The following ITGBL1 variants were observed in gnomAD, a reference collection of about 807,000 sequenced individuals.
ITGBL1 encodes integrin subunit beta like 1.
ITGBL1 carries 51 observed loss-of-function variants against 68.5 expected under a neutral mutation model. That is an observed-to-expected ratio of 0.74 (90% CI 0.59 to 0.94). The LOEUF is 0.94. ITGBL1 is among the 40% of genes least tolerant of loss of function. The pLI, the probability that ITGBL1 is intolerant of heterozygous loss-of-function variation, is 0.00. For synonymous variants in ITGBL1, 209 were observed against 227.3 expected (o/e 0.92, Z 0.72); for missense variants, 649 against 647.4 (o/e 1.00, Z -0.03).
intron 2 of ITGBL1, among the ~76,000 whole-genome samples, chr13:101,524,695 A>T (rs184831125): frequency 1.4e-5 from 2 of 148,100 alleles, no homozygotes; most frequent in African/African-American, 2.5e-5. Context: ...TACCAAAATT[A>T]AAAAATGACA....
Position 101,537,927 on chromosome 13 carries a change from A to G in ITGBL1, c.317-29772A>G, listed in dbSNP as rs117030870. Reference sequence around the variant, plus strand: ...AATTTCATGAAGAACTGTTAATCCTATGTCAAACTTTGGTTACATAGATTA... The same window carrying G: ...AATTTCATGAAGAACTGTTAATCCTGTGTCAAACTTTGGTTACATAGATTA... On this transcript the variant is annotated intron_variant, in intron 2 of 10. Transcript: ENST00000376180. Among the ~76,000 whole-genome samples the G allele has an allele frequency of 8.0e-3, 1,211 of 152,186 alleles. 7 individuals are homozygous for G. The highest frequency in any genetic ancestry group is 0.027 in the South Asian group (128 of 4,828).
At chr13:101,709,545 A>G (rs1354625396) in intron 9 of ITGBL1, among the ~76,000 whole-genome samples, 1 of 152,040 alleles carries the variant, frequency 6.6e-6, no homozygotes, top group African/African-American at 2.4e-5. Flanking sequence ...TTTTCCTCTG[A>G]GCATGGCTTC....
At chr13:101,677,411 A>C (rs1444107059) in intron 7 of ITGBL1, among the ~76,000 whole-genome samples, 38 of 152,184 alleles carry the variant, frequency 2.5e-4, no homozygotes, top group Admixed American at 2.5e-3. Flanking sequence ...CAGAAAATCC[A>C]AATAGTAGTA....
At chr13:101,692,980 G>T in intron 8 of ITGBL1, 1 of 273,076 alleles carries the variant, frequency 3.7e-6, no homozygotes, top group Non-Finnish European at 6.9e-6. Flanking sequence ...AAGGTTTTGG[G>T]GCAAGTCAGC....
chr13:101,591,820 T>A (rs1231065200), intron 6 of ITGBL1, among the ~76,000 whole-genome samples: 1 of 152,184 alleles, frequency 6.6e-6, no homozygotes, highest in Non-Finnish European at 1.5e-5. Context: ...ATTATAGAAA[T>A]CTACTTTGTT....
At chr13:101,693,319 G>A (rs773581344) in intron 8 of ITGBL1, among the ~76,000 whole-genome samples, 4 of 152,140 alleles carry the variant, frequency 2.6e-5, no homozygotes, top group Admixed American at 6.6e-5. Flanking sequence ...AGTTCATATC[G>A]CTGAGGCTGA....
At chr13:101,702,174 C>G (rs73558059) in intron 8 of ITGBL1, among the ~76,000 whole-genome samples, 2,456 of 152,168 alleles carry the variant, frequency 0.016, 73 homozygotes, top group African/African-American at 0.055. Flanking sequence ...CTATTATTAT[C>G]CTTTTAATGT....
intron 2 of ITGBL1, among the ~76,000 whole-genome samples, chr13:101,498,160 A>C (rs1209743924): frequency 6.6e-6 from 1 of 152,114 alleles, no homozygotes; most frequent in African/African-American, 2.4e-5. Context: ...TACCAAAAAA[A>C]AATGTTCTGT....
intron 7 of ITGBL1, among the ~76,000 whole-genome samples, chr13:101,659,377 A>C (rs2033022782): frequency 6.6e-6 from 1 of 152,214 alleles, no homozygotes; most frequent in Non-Finnish European, 1.5e-5. Flanking sequence ...GAACAATTTG[A>C]AAATGATTTA....
intron 2 of ITGBL1, among the ~76,000 whole-genome samples, chr13:101,537,988 CT>C (rs967308641): frequency 2.0e-5 from 3 of 151,976 alleles, no homozygotes; most frequent in Non-Finnish European, 4.4e-5. Context: ...AAGTCTCACA[CT>C]AATTAAAGCT....
At chr13:101,564,902 A>G (rs2050159614) in intron 2 of ITGBL1, among the ~76,000 whole-genome samples, 2 of 151,988 alleles carry the variant, frequency 1.3e-5, no homozygotes, top group East Asian at 1.9e-4. Context: ...AGATAGATGT[A>G]TTGCAAATAA....
At chr13:101,676,486 C>T (rs1251387068) in intron 7 of ITGBL1, among the ~76,000 whole-genome samples, 2 of 152,094 alleles carry the variant, frequency 1.3e-5, no homozygotes, top group Non-Finnish European at 2.9e-5. Context: ...GATCAAAAAG[C>T]CAAAAGTTCT....
intron 7 of ITGBL1, among the ~76,000 whole-genome samples, chr13:101,607,503 C>G (rs1227592492): frequency 2.6e-5 from 4 of 151,656 alleles, no homozygotes; most frequent in African/African-American, 9.7e-5. Flanking sequence ...TATTAGATAT[C>G]TATATGTTCT....
At chr13:101,635,503 C>G (rs1264376592) in intron 7 of ITGBL1, among the ~76,000 whole-genome samples, 1 of 151,926 alleles carries the variant, frequency 6.6e-6, no homozygotes, top group Non-Finnish European at 1.5e-5. Flanking sequence ...AAAAATCAGT[C>G]TCAAAGCTTA....
chr13:101,592,256 A>G (rs567352537), intron 6 of ITGBL1, among the ~76,000 whole-genome samples: 202 of 152,244 alleles, frequency 1.3e-3, no homozygotes, highest in African/African-American at 4.6e-3. Flanking sequence ...TGTAAACTCC[A>G]TGTAGGTTAC....
chr13:101,678,939 T>G (rs943383142), intron 7 of ITGBL1, among the ~76,000 whole-genome samples: 1 of 151,758 alleles, frequency 6.6e-6, no homozygotes, highest in African/African-American at 2.4e-5. Context: ...TTTTTTTGAG[T>G]TGGAGTCTCA....
chr13:101,617,652 A>AC, intron 7 of ITGBL1, among the ~76,000 whole-genome samples: 1 of 152,220 alleles, frequency 6.6e-6, no homozygotes. Context: ...TAGAAATTTA[A>AC]TAAAAAATAT....
chr13:101,650,827 G>T (rs1337925900), intron 7 of ITGBL1, among the ~76,000 whole-genome samples: 1 of 151,846 alleles, frequency 6.6e-6, no homozygotes, highest in Non-Finnish European at 1.5e-5. Flanking sequence ...TGTGTGTTCT[G>T]CTCCCCCACA....
intron 2 of ITGBL1, among the ~76,000 whole-genome samples, chr13:101,467,524 G>A (rs2048398689): frequency 6.6e-6 from 1 of 152,164 alleles, no homozygotes; most frequent in Admixed American, 6.5e-5. Flanking sequence ...GAAAAGGAGT[G>A]CTTTGTCTTT....
Sources: gnomAD v4.1 joint callset for allele counts (sites outside exome capture counted in the v4.1 genomes callset) on GRCh38, gnomAD v4.1.1 for gene constraint, MANE v1.5 for transcripts, NCBI Gene and HGNC (gene_info 2026-07-23, HGNC 2026-07-21) for gene names.